Variants in YTHDC2 observed in about 807,000 individuals in gnomAD.
YTHDC2 encodes the protein 3'-5' RNA helicase YTHDC2.
In YTHDC2, 45 loss-of-function variants were observed where a neutral mutation model predicts 174.9. The observed-to-expected ratio is 0.26, with a 90% confidence interval of 0.20 to 0.33. YTHDC2 has a LOEUF of 0.33. Among genes scored for constraint, YTHDC2 ranks in the 10% least tolerant of loss-of-function variants. YTHDC2 has a pLI of 1.00. For missense variants in YTHDC2, 1,650 were observed against 1,723.7 expected, an observed-to-expected ratio of 0.96 and a Z score of 0.76; for synonymous variants, 657 against 574.5, an observed-to-expected ratio of 1.14 and a Z score of -2.05.
intron 22 of YTHDC2, 110 bp downstream of exon 22, chr5:113,567,407 TA>T (rs1289540481): frequency 1.6e-4 from 37 of 226,932 alleles, no homozygotes; most frequent in East Asian, 3.7e-4. Context: ...TAATTAGTTA[TA>T]TATATATATA....
chr5:113,522,088 T>C (rs1015850403), intron 2 of YTHDC2, among the ~76,000 whole-genome samples: 6 of 151,384 alleles, frequency 4.0e-5, no homozygotes, highest in African/African-American at 1.5e-4. Flanking sequence ...TAAGGGAATA[T>C]AAAATTAAGT....
chr5:113,589,935 C>T (rs1778919273), intron 26 of YTHDC2, among the ~76,000 whole-genome samples: 1 of 151,900 alleles, frequency 6.6e-6, no homozygotes, highest in Non-Finnish European at 1.5e-5. Context: ...GTTTTGTCTT[C>T]TTGTTATCCA....
chr5:113,542,610 T>G (rs894740668), intron 10 of YTHDC2, 107 bp downstream of exon 10: 2 of 1,007,556 alleles, frequency 2.0e-6, no homozygotes, highest in African/African-American at 3.3e-5. Flanking sequence ...CCAAAAATTT[T>G]ATTTTTTAAA....
intron 2 of YTHDC2, chr5:113,517,698 T>C (rs1207511042): frequency 2.5e-6 from 1 of 397,376 alleles, no homozygotes; most frequent in African/African-American, 2.1e-5. Context: ...TTCTCTCTTT[T>C]TTTCATCTTT....
At chr5:113,553,732 T>C in intron 14 of YTHDC2, 35 bp from the exon 15 acceptor site, 5 of 1,612,506 alleles carry the variant, frequency 3.1e-6, no homozygotes, top group Non-Finnish European at 4.2e-6. Flanking sequence ...AACGGACAGG[T>C]CTTATAGTAT....
intron 26 of YTHDC2, among the ~76,000 whole-genome samples, chr5:113,587,493 AATAT>A (rs1330368029): frequency 7.5e-6 from 1 of 132,748 alleles, no homozygotes; most frequent in Non-Finnish European, 1.6e-5. Flanking sequence ...GTATTCATAT[AATAT>A]ATATAATGTA....
intron 7 of YTHDC2, 91 bp from the exon 8 acceptor site, chr5:113,538,983 T>C (rs1173798358): frequency 3.2e-6 from 2 of 625,808 alleles, no homozygotes; most frequent in African/African-American, 2.0e-5. Context: ...TTGGATATTA[T>C]ACTGAGATTC....
intron 6 of YTHDC2, among the ~76,000 whole-genome samples, chr5:113,535,305 A>G (rs1774978569): frequency 6.6e-6 from 1 of 152,164 alleles, no homozygotes; most frequent in South Asian, 2.1e-4. Flanking sequence ...GAGATGATTT[A>G]AAGTATATGG....
At chr5:113,543,471 C>T (rs997840834) in intron 10 of YTHDC2, among the ~76,000 whole-genome samples, 4 of 152,160 alleles carry the variant, frequency 2.6e-5, no homozygotes, top group Non-Finnish European at 2.9e-5. Flanking sequence ...ACATTTCACT[C>T]CCCCTACTGT....
At chr5:113,567,420 A>G (rs1561684110) in intron 22 of YTHDC2, 123 bp downstream of exon 22, 2 of 371,340 alleles carry the variant, frequency 5.4e-6, no homozygotes, top group Non-Finnish European at 8.3e-6. Context: ...ATATATATAT[A>G]TATATATCAT....
At chr5:113,586,865 C>CTA (rs1485979557) in intron 26 of YTHDC2, among the ~76,000 whole-genome samples, 91 of 139,352 alleles carry the variant, frequency 6.5e-4, no homozygotes, top group Non-Finnish European at 1.1e-3. Context: ...CTCTCTCTCT[C>CTA]TCTCTCTCTA....
chr5:113,584,740 T>C (rs1222007132), intron 26 of YTHDC2, among the ~76,000 whole-genome samples: 1 of 151,684 alleles, frequency 6.6e-6, no homozygotes, highest in Non-Finnish European at 1.5e-5. Context: ...GTAGGTAGGC[T>C]GTTTATTATT....
At chr5:113,537,978 A>G (rs1403808070) in intron 7 of YTHDC2, among the ~76,000 whole-genome samples, 1 of 151,714 alleles carries the variant, frequency 6.6e-6, no homozygotes, top group Non-Finnish European at 1.5e-5. Context: ...CTAAAACCAA[A>G]CCCCATTTCC....
intron 20 of YTHDC2, 172 bp from the exon 21 acceptor site, chr5:113,565,721 A>G: frequency 1.7e-6 from 1 of 593,210 alleles, no homozygotes; most frequent in Non-Finnish European, 2.6e-6. Context: ...TTAGCATTTG[A>G]GTATAAATTA....
chr5:113,583,398 T>C (rs372101401), intron 25 of YTHDC2: 1 of 152,212 alleles, frequency 6.6e-6, no homozygotes, highest in Non-Finnish European at 1.5e-5. Context: ...TCAGTGGTAC[T>C]GTGAGATGTC....
chr5:113,568,825 C>A (rs1376389405), intron 23 of YTHDC2, among the ~76,000 whole-genome samples: 3 of 152,106 alleles, frequency 2.0e-5, no homozygotes, highest in Non-Finnish European at 4.4e-5. Flanking sequence ...AATAATGCTG[C>A]ACTGAACATA....
At chr5:113,586,422 TTA>T (rs1019056266) in intron 26 of YTHDC2, among the ~76,000 whole-genome samples, 1 of 151,988 alleles carries the variant, frequency 6.6e-6, no homozygotes, top group African/African-American at 2.4e-5. Flanking sequence ...GGCTTAATTA[TTA>T]TATGTTTTGC....
chr5:113,565,429 T>A (rs1406508505), intron 20 of YTHDC2, among the ~76,000 whole-genome samples: 3 of 152,188 alleles, frequency 2.0e-5, no homozygotes, highest in Non-Finnish European at 4.4e-5. Flanking sequence ...AGAGAACCTA[T>A]TCACAGAGGA....
In YTHDC2 at chr5:113,563,433, A is replaced by G. The variant is rs1219240744; in HGVS notation, c.2383A>G (p.Met795Val). ...PVNCPIADFL[M>V]KAPEPPPALI... is the part of the protein sequence containing the mutation. The stretch of plus-strand genomic sequence containing the variant: ...TAATTGTCCCATTGCTGATTTTCTT[A>G]TGAAAGCTCCTGAACCTCCACCAGC... Residue 795 changes from methionine (M) to valine (V), a missense_variant, in exon 19 of 30, where the codon ATG becomes GTG. Around this residue, in one of 5 missense-constraint regions of YTHDC2, gnomAD observed 913 missense variants for 940.4 expected, o/e 0.97. Transcript: ENST00000161863. The G allele has an allele frequency of 1.2e-6, 2 of 1,611,586 alleles. No individual in the cohort carries two copies. Among genetic ancestry groups the G allele is most frequent in the Non-Finnish European group, 1.7e-6 (2 of 1,178,484 alleles).
Sources: gnomAD v4.1 joint callset for allele counts (sites outside exome capture counted in the v4.1 genomes callset) on GRCh38, gnomAD v4.1.1 for gene constraint, gnomAD v4.1.1 regional missense constraint, MANE v1.5 for transcripts, NCBI Gene and HGNC (gene_info 2026-07-23, HGNC 2026-07-21) for gene names.